MDGA2: variants seen among roughly 807,000 people sequenced by gnomAD.
MDGA2 encodes MAM domain containing glycosylphosphatidylinositol anchor 2.
In MDGA2, 40 loss-of-function variants were observed where a neutral mutation model predicts 117.8. The observed-to-expected ratio is 0.34, with a 90% CI of 0.26 to 0.44. MDGA2 has a LOEUF of 0.44. MDGA2 is among the 20% of genes least tolerant of loss of function. The pLI, the probability that MDGA2 is intolerant of heterozygous loss-of-function variation, is 1.00. For missense variants in MDGA2, 1,123 were observed against 1,250.6 expected, an observed-to-expected ratio of 0.90 and a Z score of 1.54; for synonymous variants, 452 against 439.0, an observed-to-expected ratio of 1.03 and a Z score of -0.37.
chr14:47,352,056 A>G (rs1890895941), intron 1 of MDGA2, among the ~76,000 whole-genome samples: 1 of 152,188 alleles, frequency 6.6e-6, no homozygotes, highest in Non-Finnish European at 1.5e-5. Context: ...TCTTATATAA[A>G]GTAGGCAAAA....
chr14:47,101,685 A>G (rs1437572841), intron 5 of MDGA2, among the ~76,000 whole-genome samples: 1 of 152,222 alleles, frequency 6.6e-6, no homozygotes, highest in East Asian at 1.9e-4. Context: ...GTCTCAGGAA[A>G]TATATGCCTG....
At chr14:47,574,021 T>C (rs1441563323) in intron 1 of MDGA2, among the ~76,000 whole-genome samples, 2 of 152,184 alleles carry the variant, frequency 1.3e-5, no homozygotes, top group South Asian at 4.1e-4. Flanking sequence ...CTCTTTGTTA[T>C]GCTGATAATA....
Position 47,169,820 on chromosome 14 carries a change from G to C in MDGA2, c.596-25546C>G, listed in dbSNP as rs534421527. ...GTTTTGTTTCTCAGCTTATTAACTA[G>C]ATACTACTGATTAAAGGTTTTTAAA... On this transcript the variant is annotated intron_variant, in intron 3 of 16. Transcript: ENST00000399232. Among the ~76,000 whole-genome samples the C allele has an allele frequency of 1.3e-5, 2 of 151,908 alleles. 1 individual carries two copies. The highest frequency in any genetic ancestry group is 4.8e-5 in the African/African-American group (2 of 41,448).
chr14:47,347,397 T>C (rs758537041), intron 1 of MDGA2, among the ~76,000 whole-genome samples: 3 of 152,166 alleles, frequency 2.0e-5, no homozygotes, highest in Non-Finnish European at 4.4e-5. Flanking sequence ...GTGATAAATG[T>C]AACATGTTTT....
chr14:47,052,974 T>A (rs1889510002), intron 7 of MDGA2, among the ~76,000 whole-genome samples: 3 of 151,962 alleles, frequency 2.0e-5, no homozygotes, highest in Admixed American at 2.0e-4. Context: ...TTCACTTAAA[T>A]GAAAATAAGA....
intron 1 of MDGA2, among the ~76,000 whole-genome samples, chr14:47,540,520 A>ATGTGTGTG (rs147620834): frequency 0.014 from 1,423 of 102,256 alleles, 48 homozygotes; most frequent in South Asian, 0.031. Context: ...GTATATGTAT[A>ATGTGTGTG]TGTGTGTGTG....
chr14:46,943,588 A>T (rs1319813036), intron 9 of MDGA2, among the ~76,000 whole-genome samples: 5 of 152,206 alleles, frequency 3.3e-5, no homozygotes, highest in Middle Eastern at 6.8e-3. Context: ...CAGTTAACAT[A>T]TCACATTCCA....
At position 46,878,380 on chromosome 14, in the gene MDGA2, T is replaced by C. The variant is rs113332850; in HGVS notation, c.2417-871A>G. On this transcript the variant is annotated intron_variant, in intron 11 of 16. Transcript: ENST00000399232. ...CCCCAAGATTACAATGGGCAGAATGTAGTTTCCCAGGATTACAATTGGCAG... is the reference window on the plus strand; with the variant it reads ...CCCCAAGATTACAATGGGCAGAATGCAGTTTCCCAGGATTACAATTGGCAG... Among the ~76,000 whole-genome samples, 12 of 152,160 alleles carry C rather than the reference T, an allele frequency of 7.9e-5. 1 individual carries two copies. Among genetic ancestry groups the C allele is most frequent in the African/African-American group, 2.6e-4 (11 of 41,558 alleles).
At chr14:46,948,666 C>G (rs1885260470) in intron 9 of MDGA2, among the ~76,000 whole-genome samples, 1 of 151,932 alleles carries the variant, frequency 6.6e-6, no homozygotes, top group Non-Finnish European at 1.5e-5. Context: ...AGCTCTGATT[C>G]TCTCTCAACG....
At chr14:47,062,455 C>T (rs1889920355) in intron 6 of MDGA2, among the ~76,000 whole-genome samples, 1 of 151,426 alleles carries the variant, frequency 6.6e-6, no homozygotes, top group African/African-American at 2.4e-5. Context: ...TATGGAAAAG[C>T]TTTCTCTCTT....
At chr14:47,092,784 T>C (rs920632889) in intron 6 of MDGA2, among the ~76,000 whole-genome samples, 2 of 152,018 alleles carry the variant, frequency 1.3e-5, no homozygotes, top group African/African-American at 2.4e-5. Context: ...GACATGACCA[T>C]GTCTTGGGCT....
In MDGA2 at chr14:47,266,799, G is replaced by C. The variant is rs540321989; in HGVS notation, c.420+34612C>G. ...CTCCTACTCTTCTCCAACACTTCCA[G>C]TGTAATTTGATTAATTATTCAACTT... On this transcript the variant is annotated intron_variant, in intron 2 of 16. Transcript: ENST00000399232. Among the ~76,000 whole-genome samples, 33 of 152,234 alleles carry C rather than the reference G, an allele frequency of 2.2e-4. No individual in the cohort carries two copies. The South Asian group carries it at 6.4e-3, about 30-fold the overall frequency.
intron 1 of MDGA2, among the ~76,000 whole-genome samples, chr14:47,375,609 A>G (rs1002722114): frequency 6.6e-6 from 1 of 152,052 alleles, no homozygotes; most frequent in Admixed American, 6.6e-5. Context: ...TTCCTTTTCC[A>G]TTAAACCATC....
At chr14:46,986,261 A>T (rs1886855831) in intron 8 of MDGA2, among the ~76,000 whole-genome samples, 1 of 152,078 alleles carries the variant, frequency 6.6e-6, no homozygotes, top group Non-Finnish European at 1.5e-5. Context: ...AATTATGCAC[A>T]TATGGATACA....
chr14:47,233,360 C>A (rs2139577996), intron 2 of MDGA2, among the ~76,000 whole-genome samples: 1 of 152,148 alleles, frequency 6.6e-6, no homozygotes, highest in East Asian at 1.9e-4. Context: ...ATATTAAAAT[C>A]TATGTCAAAA....
chr14:47,389,998 G>A (rs1177920714), intron 1 of MDGA2, among the ~76,000 whole-genome samples: 1 of 152,124 alleles, frequency 6.6e-6, no homozygotes. Context: ...GGCTACCCAT[G>A]GAAGTAGAGG....
intron 12 of MDGA2, among the ~76,000 whole-genome samples, chr14:46,875,695 C>T (rs1882198753): frequency 6.6e-6 from 1 of 151,460 alleles, no homozygotes; most frequent in South Asian, 2.1e-4. Context: ...TTAGGTATGA[C>T]ATGAAATTCC....
Position 46,850,068 on chromosome 14 carries a change from G to C in MDGA2, c.2884-4197C>G, listed in dbSNP as rs186693244. On this transcript the variant is annotated intron_variant, in intron 15 of 16. Transcript: ENST00000399232. ...TAAAACTGAAATGTTTTCACAGTGT[G>C]TTCATGCAACTTCGCAACCTTAACA... Among the ~76,000 whole-genome samples, 200 of 151,980 alleles carry C rather than the reference G, an allele frequency of 1.3e-3. 1 individual carries two copies. The highest frequency in any genetic ancestry group is 2.5e-3 in the Non-Finnish European group (170 of 67,800).
At chr14:47,279,766 C>A (rs952791220) in intron 2 of MDGA2, among the ~76,000 whole-genome samples, 3 of 152,042 alleles carry the variant, frequency 2.0e-5, no homozygotes, top group African/African-American at 7.2e-5. Flanking sequence ...TTCCCCTACA[C>A]ACACACTTTT....
Sources: gnomAD v4.1 joint callset for allele counts (sites outside exome capture counted in the v4.1 genomes callset) on GRCh38, gnomAD v4.1.1 for gene constraint, MANE v1.5 for transcripts, NCBI Gene and HGNC (gene_info 2026-07-23, HGNC 2026-07-21) for gene names.